MXI1: variants seen among roughly 807,000 people sequenced by gnomAD.
MXI1 encodes MAX interactor 1, dimerization protein, also known as max-interacting protein 1.
In MXI1, 18 loss-of-function variants were observed where a neutral mutation model predicts 36.9. The observed-to-expected ratio is 0.49, with a 90% confidence interval of 0.34 to 0.72. The LOEUF is 0.72. MXI1 is among the 30% of genes least tolerant of loss of function. The probability of loss-of-function intolerance (pLI) is 0.01; values close to 1 mark genes in which losing one functional copy is unlikely to be tolerated. For missense variants in MXI1, 304 were observed against 379.1 expected, an observed-to-expected ratio of 0.80 and a Z score of 1.64; for synonymous variants, 160 against 146.7, an observed-to-expected ratio of 1.09 and a Z score of -0.65.
intron 1 of MXI1, chr10:110,225,889 G>A: frequency 1.8e-6 from 1 of 545,406 alleles, no homozygotes; most frequent in Non-Finnish European, 2.3e-6. Context: ...ATTCCCGGCA[G>A]CCGCGGGCGG....
At chr10:110,227,234 G>C (rs1373061749) in intron 1 of MXI1, 1 of 710,332 alleles carries the variant, frequency 1.4e-6, no homozygotes, top group Non-Finnish European at 1.7e-6. Context: ...GGGAGGGATG[G>C]TGCGCGGGGG....
intron 1 of MXI1, among the ~76,000 whole-genome samples, chr10:110,215,562 T>C (rs1854617385): frequency 6.6e-6 from 1 of 152,182 alleles, no homozygotes; most frequent in African/African-American, 2.4e-5. Flanking sequence ...AGTCCCAACC[T>C]GGGCATTTGT....
chr10:110,207,727 G>T lies in MXI1; in HGVS notation c.-82G>T. ...CCCGGCGCCTTCTCTGCTCCAGCCGGCCGGGTCTCCCTGGGGGCCCGGAGC... is the reference window on the plus strand; with the variant it reads ...CCCGGCGCCTTCTCTGCTCCAGCCGTCCGGGTCTCCCTGGGGGCCCGGAGC... On this transcript the variant is annotated 5_prime_UTR_variant, in exon 1 of 6. Transcript: ENST00000332674. The T allele has an allele frequency of 1.0e-6, 1 of 973,710 alleles. No individual in the cohort carries two copies. Among genetic ancestry groups the T allele is most frequent in the East Asian group, 7.1e-5 (1 of 14,096 alleles). 60.3% of individuals were successfully genotyped at this position (973,710 alleles called of 1,614,324 possible). A position where few individuals can be genotyped will look rare whatever the true frequency, so the allele number is the denominator to read the frequency against.
chr10:110,264,368 AT>A (rs112351250), intron 3 of MXI1, among the ~76,000 whole-genome samples: 19,831 of 140,488 alleles, frequency 0.14, 1,967 homozygotes, highest in African/African-American at 0.3. Flanking sequence ...TTAGTAATTG[AT>A]TTTTTTTTTT....
chr10:110,268,658 A>T (rs1856760860), intron 3 of MXI1, among the ~76,000 whole-genome samples: 1 of 152,162 alleles, frequency 6.6e-6, no homozygotes. Context: ...GCCTTATCAG[A>T]GGAGGGCATG....
At position 110,244,827 on chromosome 10, in the gene MXI1, G is replaced by C; in HGVS notation, c.408-1G>C. On this transcript the variant is annotated splice_acceptor_variant, in intron 2 of 5. Coordinates refer to ENST00000332674, the MANE Select transcript of MXI1 (RefSeq NM_130439.3). LOFTEE classifies it high-confidence loss of function. The stretch of plus-strand genomic sequence containing the variant: ...TGCTTTTTTTTTTTTTTGTCTTTTA[G>C]ATCTACACACAATGAGCTGGAAAAG... The C allele has an allele frequency of 6.5e-7, 1 of 1,533,214 alleles. No homozygotes were observed. The highest frequency in any genetic ancestry group is 8.9e-7 in the Non-Finnish European group (1 of 1,127,368). The allele number at this position is 1,533,214 out of a possible 1,614,324, so 95.0% of individuals were successfully genotyped here. A position where few individuals can be genotyped will look rare whatever the true frequency, so the allele number is the denominator to read the frequency against.
intron 2 of MXI1, among the ~76,000 whole-genome samples, chr10:110,229,404 C>A (rs1197176941): frequency 6.6e-6 from 1 of 152,144 alleles, no homozygotes; most frequent in African/African-American, 2.4e-5. Context: ...TCATTTGGGA[C>A]AGCAGATTGG....
intron 1 of MXI1, among the ~76,000 whole-genome samples, chr10:110,215,052 T>TTTTTTC (rs1854603686): frequency 7.8e-6 from 1 of 127,434 alleles, no homozygotes; most frequent in African/African-American, 3.4e-5. Flanking sequence ...TGTTTTTTTT[T>TTTTTTC]TTTTTTTGAG....
intron 3 of MXI1, among the ~76,000 whole-genome samples, chr10:110,250,060 A>G (rs1451570528): frequency 2.6e-5 from 4 of 152,140 alleles, no homozygotes; most frequent in African/African-American, 4.8e-5. Flanking sequence ...GGCCCAGAGT[A>G]GTTGGTTGTG....
chr10:110,261,313 G>A (rs1270163677), intron 3 of MXI1, among the ~76,000 whole-genome samples: 1 of 151,922 alleles, frequency 6.6e-6, no homozygotes, highest in Non-Finnish European at 1.5e-5. Context: ...AATGAGAGCT[G>A]TGCTGACTGG....
chr10:110,225,672 G>A (rs1854935170), intron 1 of MXI1, among the ~76,000 whole-genome samples: 1 of 152,166 alleles, frequency 6.6e-6, no homozygotes, highest in African/African-American at 2.4e-5. Flanking sequence ...GTTTCCCCGG[G>A]AGTAGACTCC....
chr10:110,240,590 A>G (rs1260378218), intron 2 of MXI1, among the ~76,000 whole-genome samples: 1 of 152,094 alleles, frequency 6.6e-6, no homozygotes, highest in African/African-American at 2.4e-5. Flanking sequence ...AATAATAATA[A>G]ATAGAAGTTT....
intron 3 of MXI1, among the ~76,000 whole-genome samples, chr10:110,263,397 G>C (rs144031074): frequency 6.6e-6 from 1 of 152,186 alleles, no homozygotes; most frequent in Non-Finnish European, 1.5e-5. Context: ...AATATGTGGT[G>C]ATTGTGCTTC....
chr10:110,275,165 G>A (rs1283644363), intron 3 of MXI1, among the ~76,000 whole-genome samples: 1 of 151,968 alleles, frequency 6.6e-6, no homozygotes, highest in African/African-American at 2.4e-5. Flanking sequence ...ATGAGCTACC[G>A]CACCCAGCCT....
chr10:110,259,764 T>C (rs1258525216), intron 3 of MXI1, among the ~76,000 whole-genome samples: 3 of 152,044 alleles, frequency 2.0e-5, no homozygotes, highest in Non-Finnish European at 4.4e-5. Context: ...TTCTACTTAT[T>C]CTAGTAAATA....
At chr10:110,208,987 C>A (rs1311832611) in intron 1 of MXI1, among the ~76,000 whole-genome samples, 1 of 152,186 alleles carries the variant, frequency 6.6e-6, no homozygotes, top group East Asian at 1.9e-4. Context: ...TGGTCGATTT[C>A]TACTCCCCCC....
intron 1 of MXI1, chr10:110,226,327 T>C: frequency 6.9e-7 from 1 of 1,448,972 alleles, no homozygotes; most frequent in South Asian, 1.3e-5. Context: ...GCTACTAATC[T>C]TTTTCGGCAG....
At chr10:110,215,308 A>G (rs1337526648) in intron 1 of MXI1, among the ~76,000 whole-genome samples, 2 of 152,056 alleles carry the variant, frequency 1.3e-5, no homozygotes, top group African/African-American at 4.8e-5. Context: ...CCAAAGTGCT[A>G]GGATTACAGG....
intron 2 of MXI1, among the ~76,000 whole-genome samples, chr10:110,244,317 C>T (rs1290237720): frequency 1.3e-5 from 2 of 151,510 alleles, no homozygotes; most frequent in Non-Finnish European, 2.9e-5. Context: ...GTTTTTGTTT[C>T]ACAAAATAAG....
Sources: allele counts gnomAD v4.1 joint callset (sites outside exome capture counted in the v4.1 genomes callset), GRCh38; gene constraint gnomAD v4.1.1; transcripts MANE v1.5; gene names NCBI Gene and HGNC (gene_info 2026-07-23, HGNC 2026-07-21).